Variants in NR6A1 observed in about 807,000 individuals in gnomAD.
NR6A1 encodes the protein retinoic acid receptor-related testis-associated receptor.
A neutral mutation model predicts 59.1 loss-of-function variants in NR6A1; 7 were observed. The observed-to-expected ratio is 0.12, with a 90% CI of 0.07 to 0.22. NR6A1 has a LOEUF of 0.22. NR6A1 is among the 10% of genes least tolerant of loss of function. The pLI, the probability that NR6A1 is intolerant of heterozygous loss-of-function variation, is 1.00. For missense variants in NR6A1, 468 were observed against 611.6 expected, an observed-to-expected ratio of 0.77 and a Z score of 2.48; for synonymous variants, 243 against 236.1, an observed-to-expected ratio of 1.03 and a Z score of -0.27.
At chr9:124,711,241 A>G (rs914477599) in intron 2 of NR6A1, among the ~76,000 whole-genome samples, 5 of 151,042 alleles carry the variant, frequency 3.3e-5, no homozygotes, top group Non-Finnish European at 5.9e-5. Context: ...ATAACCAAGC[A>G]ATCTATTCTA....
intron 7 of NR6A1, 63 bp downstream of exon 7, chr9:124,535,815 T>G: frequency 6.3e-7 from 1 of 1,587,140 alleles, no homozygotes; most frequent in Non-Finnish European, 8.6e-7. Context: ...CAGGCAACTC[T>G]GCCTTACAGG....
At chr9:124,543,313 G>A (rs1833502851) in intron 4 of NR6A1, among the ~76,000 whole-genome samples, 1 of 152,144 alleles carries the variant, frequency 6.6e-6, no homozygotes, top group Admixed American at 6.5e-5. Flanking sequence ...TTACCTATCT[G>A]TTTCTCCCAT....
intron 2 of NR6A1, among the ~76,000 whole-genome samples, chr9:124,571,588 A>G (rs535350620): frequency 6.6e-5 from 10 of 152,238 alleles, no homozygotes; most frequent in South Asian, 6.2e-4. Context: ...AATTCTCTCT[A>G]TTGCCAAGAT....
intron 2 of NR6A1, chr9:124,599,406 C>T: frequency 2.7e-6 from 1 of 368,510 alleles, no homozygotes. Context: ...GCGACAAAAG[C>T]GATACATGGT....
At chr9:124,657,626 A>C (rs527991369) in intron 2 of NR6A1, among the ~76,000 whole-genome samples, 1 of 152,224 alleles carries the variant, frequency 6.6e-6, no homozygotes, top group Non-Finnish European at 1.5e-5. Flanking sequence ...GCTCAGAAAG[A>C]TGGAAAATAA....
chr9:124,634,705 C>G (rs1363913824), intron 2 of NR6A1, among the ~76,000 whole-genome samples: 4 of 152,046 alleles, frequency 2.6e-5, no homozygotes, highest in Non-Finnish European at 5.9e-5. Flanking sequence ...GCCTGTAGTC[C>G]CAGCTACTCA....
intron 2 of NR6A1, among the ~76,000 whole-genome samples, chr9:124,559,896 G>C (rs189884196): frequency 4.6e-5 from 7 of 152,246 alleles, no homozygotes; most frequent in African/African-American, 1.7e-4. Context: ...ATCCAGAACT[G>C]AATGATTTTT....
chr9:124,756,952 T>C (rs1254027078), intron 1 of NR6A1, among the ~76,000 whole-genome samples: 1 of 147,592 alleles, frequency 6.8e-6, no homozygotes, highest in Non-Finnish European at 1.5e-5. Context: ...GATGCTAGGA[T>C]GAGGGTGCAG....
intron 2 of NR6A1, among the ~76,000 whole-genome samples, chr9:124,586,792 A>AG (rs746889979): frequency 6.6e-5 from 10 of 152,208 alleles, no homozygotes; most frequent in Non-Finnish European, 1.2e-4. Context: ...CTTATGGAGG[A>AG]GCAAAGAAAG....
At chr9:124,598,826 T>C in intron 2 of NR6A1, 1 of 774,680 alleles carries the variant, frequency 1.3e-6, no homozygotes. Context: ...CTTTTCTCTC[T>C]CTCCAATCTC....
At chr9:124,704,594 C>T (rs1839068331) in intron 2 of NR6A1, among the ~76,000 whole-genome samples, 1 of 152,168 alleles carries the variant, frequency 6.6e-6, no homozygotes, top group Non-Finnish European at 1.5e-5. Flanking sequence ...TATCTAGTTT[C>T]TTACAATGGA....
rs116855348 is a variant in NR6A1 at position 124,726,318 on chromosome 9, C to T, written c.142+6990G>A. Among the ~76,000 whole-genome samples the T allele has an allele frequency of 8.3e-3, 1,263 of 152,288 alleles. 8 individuals are homozygous for T. The highest frequency in any genetic ancestry group is 0.013 in the Non-Finnish European group (881 of 68,028). Reference sequence around the variant, plus strand: ...TGTGAATTGTCCTTCTCCCTCCTGCCCCTAACTGTCCTGCACCTCTAGCCT... The same window carrying T: ...TGTGAATTGTCCTTCTCCCTCCTGCTCCTAACTGTCCTGCACCTCTAGCCT... On this transcript the variant is annotated intron_variant, in intron 2 of 9. Transcript: ENST00000487099.
intron 2 of NR6A1, among the ~76,000 whole-genome samples, chr9:124,618,753 G>A (rs928599144): frequency 6.6e-6 from 1 of 152,132 alleles, no homozygotes; most frequent in Admixed American, 6.6e-5. Flanking sequence ...TTTGTTCACT[G>A]CCACTGATAT....
At chr9:124,580,686 G>A (rs1834738256) in intron 2 of NR6A1, among the ~76,000 whole-genome samples, 2 of 152,082 alleles carry the variant, frequency 1.3e-5, no homozygotes, top group African/African-American at 4.8e-5. Flanking sequence ...CAGCCATGGT[G>A]GCTCACGCCT....
rs1841158044 is a variant in NR6A1 at position 124,771,261 on chromosome 9, G to A, written c.-142C>T. 2 of 422,562 alleles carry A rather than the reference G, an allele frequency of 4.7e-6. No homozygotes were observed. Among genetic ancestry groups the A allele is most frequent in the Non-Finnish European group, 8.0e-6 (2 of 249,596 alleles). The allele number at this position is 422,562 out of a possible 1,614,324, so 26.2% of individuals were successfully genotyped here. On this transcript the variant is annotated 5_prime_UTR_variant, in exon 1 of 10. Transcript: ENST00000487099. ...CGCGGCTCTCTCTGGGCCCCGAGCC[G>A]CCCGGCTCCGCGCCGCTCCGCGCCC...
chr9:124,538,335 T>C lies in NR6A1; in HGVS notation c.597-16A>G. The C allele has an allele frequency of 1.2e-6, 2 of 1,601,004 alleles. No homozygotes were observed. Among genetic ancestry groups the C allele is most frequent in the Non-Finnish European group, 1.7e-6 (2 of 1,169,586 alleles). ...CACAGACCTACTGGAGAGAAAAGTC[T>C]TGCGTCAAACAGAGCCATGGCAAGT... On this transcript the variant is annotated splice_polypyrimidine_tract_variant and intron_variant, in intron 5 of 9. Transcript: ENST00000487099.
chr9:124,616,644 CAT>C (rs1835903236), intron 2 of NR6A1, among the ~76,000 whole-genome samples: 1 of 151,916 alleles, frequency 6.6e-6, no homozygotes, highest in Non-Finnish European at 1.5e-5. Flanking sequence ...ATTTACAAAA[CAT>C]AAAGAGTTCC....
At chr9:124,623,770 T>C (rs1217621465) in intron 2 of NR6A1, among the ~76,000 whole-genome samples, 1 of 152,166 alleles carries the variant, frequency 6.6e-6, no homozygotes, top group East Asian at 1.9e-4. Flanking sequence ...AGCTGTACTA[T>C]ATGGGGTCTT....
chr9:124,614,730 A>G (rs1224913635), intron 2 of NR6A1, among the ~76,000 whole-genome samples: 4 of 152,296 alleles, frequency 2.6e-5, no homozygotes, highest in South Asian at 2.1e-4. Context: ...TGTAAAGATA[A>G]TATCATCATA....
Sources: gnomAD v4.1 joint callset for allele counts (sites outside exome capture counted in the v4.1 genomes callset) on GRCh38, gnomAD v4.1.1 for gene constraint, MANE v1.5 for transcripts, NCBI Gene and HGNC (gene_info 2026-07-23, HGNC 2026-07-21) for gene names.